The following FAT4 variants were observed in gnomAD, a reference collection of about 807,000 sequenced individuals.
FAT4 encodes FAT atypical cadherin 4.
A neutral mutation model predicts 303.9 loss-of-function variants in FAT4; 84 were observed. The observed-to-expected ratio is 0.28, with a 90% CI of 0.23 to 0.33. FAT4 has a LOEUF of 0.33. Among genes scored for constraint, FAT4 ranks in the 10% least tolerant of loss-of-function variants. The pLI is 1.00. For synonymous variants in FAT4, 2,307 were observed against 2,298.8 expected (o/e 1.00, Z -0.10); for missense variants, 6,005 against 6,146.8 (o/e 0.98, Z 0.77).
intron 2 of FAT4, among the ~76,000 whole-genome samples, chr4:125,332,716 C>A (rs1342547583): frequency 1.3e-5 from 2 of 152,014 alleles, no homozygotes; most frequent in African/African-American, 2.4e-5. Flanking sequence ...ATGCAGTTTT[C>A]TTAATTGAGG....
chr4:125,399,884 A>G (rs1578598373), intron 3 of FAT4, among the ~76,000 whole-genome samples: 1 of 152,116 alleles, frequency 6.6e-6, no homozygotes, highest in East Asian at 1.9e-4. Flanking sequence ...TTTCAAATTT[A>G]GCTAGCTTTA....
At chr4:125,435,590 G>C (rs1167497358) in intron 8 of FAT4, among the ~76,000 whole-genome samples, 1 of 152,086 alleles carries the variant, frequency 6.6e-6, no homozygotes, top group African/African-American at 2.4e-5. Flanking sequence ...CACAATACTT[G>C]GTCTCTCTAA....
chr4:125,371,170 G>T (rs945060325), intron 2 of FAT4, among the ~76,000 whole-genome samples: 4 of 143,450 alleles, frequency 2.8e-5, no homozygotes, highest in African/African-American at 1.0e-4. Context: ...AAAAAAAGAA[G>T]AAGTTTAAAT....
chr4:125,370,162 G>C (rs1267535290), intron 2 of FAT4, among the ~76,000 whole-genome samples: 1 of 151,686 alleles, frequency 6.6e-6, no homozygotes, highest in Non-Finnish European at 1.5e-5. Flanking sequence ...CCACAACTAG[G>C]TAAAAATGTT....
At chr4:125,479,209 TA>T in intron 14 of FAT4, among the ~76,000 whole-genome samples, 1 of 152,332 alleles carries the variant, frequency 6.6e-6, no homozygotes, top group African/African-American at 2.4e-5. Context: ...GCAAACTCAC[TA>T]TACCCTTTCT....
chr4:125,361,796 A>G (rs1305533503), intron 2 of FAT4, among the ~76,000 whole-genome samples: 1 of 152,052 alleles, frequency 6.6e-6, no homozygotes, highest in African/African-American at 2.4e-5. Flanking sequence ...TTGTCATTCT[A>G]TGTCTTCCTA....
At chr4:125,409,216 C>G (rs939311941) in intron 5 of FAT4, among the ~76,000 whole-genome samples, 1 of 151,066 alleles carries the variant, frequency 6.6e-6, no homozygotes, top group Non-Finnish European at 1.5e-5. Flanking sequence ...CTTACGAATG[C>G]AAAAACTAAG....
At chr4:125,327,112 G>A (rs979364584) in intron 2 of FAT4, among the ~76,000 whole-genome samples, 4 of 152,164 alleles carry the variant, frequency 2.6e-5, no homozygotes, top group East Asian at 3.9e-4. Context: ...TCAGCAGATC[G>A]GTTACATCCC....
intron 2 of FAT4, among the ~76,000 whole-genome samples, chr4:125,354,288 A>T (rs1229133588): frequency 6.6e-6 from 1 of 151,784 alleles, no homozygotes; most frequent in African/African-American, 2.4e-5. Flanking sequence ...TTATTAATAA[A>T]GTATTTTGGT....
chr4:125,435,800 C>G (rs1725430506), intron 8 of FAT4, among the ~76,000 whole-genome samples: 1 of 152,040 alleles, frequency 6.6e-6, no homozygotes, highest in Non-Finnish European at 1.5e-5. Flanking sequence ...AGGTGAGAAA[C>G]TACTGGGGAG....
At chr4:125,453,830 A>G (rs1002329819) in intron 10 of FAT4, among the ~76,000 whole-genome samples, 1 of 152,240 alleles carries the variant, frequency 6.6e-6, no homozygotes, top group African/African-American at 2.4e-5. Context: ...AAGCAGCATT[A>G]AACATAGCAG....
chr4:125,434,581 G>C (rs1234624933), intron 8 of FAT4, among the ~76,000 whole-genome samples, 156 bp downstream of exon 8: 2 of 152,140 alleles, frequency 1.3e-5, no homozygotes, highest in African/African-American at 4.8e-5. Context: ...ATTAAATGAA[G>C]ATTCAAACAG....
rs1181246509 is a variant in FAT4 at position 125,487,343 on chromosome 4, A to G, written c.12823-2A>G. ...GCATACTATTTTTAATATGTTTTAC[A>G]GATTAAGAATGGCAAAGTATATTTT... On this transcript the variant is annotated splice_acceptor_variant, in intron 16 of 17. Transcript: ENST00000394329. LOFTEE classifies it high-confidence loss of function. 2 of 1,607,126 alleles carry G rather than the reference A, an allele frequency of 1.2e-6. No individual in the cohort carries two copies. Among genetic ancestry groups the G allele is most frequent in the Non-Finnish European group, 1.7e-6 (2 of 1,175,436 alleles).
intron 5 of FAT4, among the ~76,000 whole-genome samples, chr4:125,409,180 T>C (rs1323529200): frequency 6.6e-6 from 1 of 152,022 alleles, no homozygotes; most frequent in Non-Finnish European, 1.5e-5. Context: ...CAAAGCAAAA[T>C]GAAACCAAAG....
chr4:125,419,563 A>T (rs570635786), intron 7 of FAT4, among the ~76,000 whole-genome samples: 23 of 152,348 alleles, frequency 1.5e-4, no homozygotes, highest in Admixed American at 3.3e-4. Flanking sequence ...ACTATAAATT[A>T]GATAATCATA....
Position 125,468,623 on chromosome 4 carries a change from C to T in FAT4, c.12017C>T (p.Thr4006Met), listed in dbSNP as rs776319087. ...AACTATATTTATGTCAAATTTGCCA[C>T]GATTAAAAGTCATGCCTTATTGCTT... ...NNNYIYVKFATIKSHALLLYN... is the reference protein window; with the variant it reads ...NNNYIYVKFAMIKSHALLLYN... Residue 4006 changes from threonine to methionine, a missense_variant, in exon 12 of 18, where the codon ACG (threonine) becomes ATG (methionine). Transcript: ENST00000394329. 1.2e-5 allele frequency: 19 copies of T among 1,613,912 alleles called. No individual in the cohort carries two copies. The highest frequency in any genetic ancestry group is 1.6e-4 in the Middle Eastern group (1 of 6,084).
intron 11 of FAT4, among the ~76,000 whole-genome samples, chr4:125,464,172 A>C (rs1726577685): frequency 6.6e-6 from 1 of 152,132 alleles, no homozygotes; most frequent in Non-Finnish European, 1.5e-5. Context: ...TGACGTTTTC[A>C]TAATAGGCTT....
chr4:125,326,621 C>T (rs751693867), intron 2 of FAT4, among the ~76,000 whole-genome samples: 12 of 152,172 alleles, frequency 7.9e-5, no homozygotes, highest in Non-Finnish European at 1.8e-4. Context: ...CTCATAACTA[C>T]TCTTCTATCA....
chr4:125,319,007 G>A lies in FAT4; in HGVS notation c.2596G>A (p.Val866Ile). 1 of 1,614,196 alleles carries A rather than the reference G, an allele frequency of 6.2e-7. No homozygotes were observed. Among genetic ancestry groups the A allele is most frequent in the Non-Finnish European group, 8.5e-7 (1 of 1,180,050 alleles). ...REEQSFYQLK[V>I]VASGGTVTGD... ...AGAGCAATCCTTTTATCAGCTGAAG[G>A]TAGTGGCCAGTGGGGGCACAGTGAC... is the stretch of plus-strand genomic sequence containing the variant. Residue 866 changes from valine (V) to isoleucine (I), a missense_variant, in exon 2 of 18, where the codon GTA (valine) becomes ATA (isoleucine). Val to Ile is a conservative substitution (Grantham distance 29). Transcript: ENST00000394329.
Sources: gnomAD v4.1 joint callset for allele counts (sites outside exome capture counted in the v4.1 genomes callset) on GRCh38, gnomAD v4.1.1 for gene constraint, MANE v1.5 for transcripts, NCBI Gene and HGNC (gene_info 2026-07-23, HGNC 2026-07-21) for gene names.